The following LOC122539214 variants were observed in gnomAD, a reference collection of about 807,000 sequenced individuals.
chr19:52,652,536 C>T, the LOC122539214 span: 1 of 451,814 alleles, frequency 2.2e-6, no homozygotes, highest in Non-Finnish European at 4.5e-6. Flanking sequence ...GACTGAAGAC[C>T]TTGCTGCAAT....
the LOC122539214 span, among the ~76,000 whole-genome samples, chr19:52,669,799 G>A: frequency 1.2e-4 from 19 of 152,128 alleles, no homozygotes; most frequent in Non-Finnish European, 2.1e-4. Flanking sequence ...CCATGCATCC[G>A]TGGGTTGGTG....
the LOC122539214 span, among the ~76,000 whole-genome samples, chr19:52,658,136 CA>C: frequency 0.44 from 45,567 of 103,506 alleles, 7,583 homozygotes; most frequent in Admixed American, 0.54. Flanking sequence ...AACTTCATCT[CA>C]AAAAAAAAAA....
the LOC122539214 span, among the ~76,000 whole-genome samples, chr19:52,672,845 G>A: frequency 6.6e-6 from 1 of 151,754 alleles, no homozygotes; most frequent in Admixed American, 6.6e-5. Flanking sequence ...CAAAGTGCTG[G>A]GATTACAGAC....
At chr19:52,650,827 T>C in the LOC122539214 span, 1 of 152,172 alleles carries the variant, frequency 6.6e-6, no homozygotes, top group Admixed American at 6.5e-5. Context: ...CCCAGAAGGA[T>C]TCTTCACTTC....
At chr19:52,685,880 C>T in the LOC122539214 span, among the ~76,000 whole-genome samples, 33 of 127,514 alleles carry the variant, frequency 2.6e-4, no homozygotes, top group Non-Finnish European at 4.8e-4. Context: ...GCCTGGGGAA[C>T]AAGAGTGTAA....
the LOC122539214 span, among the ~76,000 whole-genome samples, chr19:52,671,183 C>T: frequency 0.78 from 118,931 of 152,030 alleles, 46,847 homozygotes; most frequent in African/African-American, 0.87. Context: ...TTCTTCTTTG[C>T]CATATGTTTT....
At chr19:52,657,199 A>G in the LOC122539214 span, among the ~76,000 whole-genome samples, 1 of 152,210 alleles carries the variant, frequency 6.6e-6, no homozygotes, top group East Asian at 1.9e-4. Context: ...AGAAAATGAG[A>G]AGGTCAGCCA....
chr19:52,687,007 C>G, the LOC122539214 span, among the ~76,000 whole-genome samples: 1 of 151,672 alleles, frequency 6.6e-6, no homozygotes, highest in East Asian at 2.0e-4. Flanking sequence ...CATGGAGAAA[C>G]CCTGTCTCTA....
the LOC122539214 span, among the ~76,000 whole-genome samples, chr19:52,680,873 A>T: frequency 2.0e-5 from 3 of 151,272 alleles, no homozygotes; most frequent in Non-Finnish European, 4.4e-5. Context: ...CGGCCTCCCA[A>T]AGTGCTGGGA....
the LOC122539214 span, among the ~76,000 whole-genome samples, chr19:52,689,241 G>A: frequency 6.6e-6 from 1 of 152,154 alleles, no homozygotes; most frequent in Non-Finnish European, 1.5e-5. Context: ...AATCCACTGA[G>A]CCAGTGCGTA....
the LOC122539214 span, among the ~76,000 whole-genome samples, chr19:52,669,290 G>A: frequency 0.62 from 93,496 of 151,864 alleles, 29,044 homozygotes; most frequent in Admixed American, 0.72. Context: ...CACAATTAGA[G>A]TCCCATGGGG....
chr19:52,672,565 T>C, the LOC122539214 span, among the ~76,000 whole-genome samples: 2 of 152,200 alleles, frequency 1.3e-5, no homozygotes, highest in African/African-American at 4.8e-5. Context: ...CTAGGCAACA[T>C]AGCACCTCAT....
the LOC122539214 span, chr19:52,655,463 G>T: frequency 1.8e-6 from 2 of 1,132,362 alleles, no homozygotes; most frequent in Non-Finnish European, 1.3e-6. Context: ...TACATCAAAA[G>T]CATGTATGCG....
chr19:52,687,761 G>A, the LOC122539214 span, among the ~76,000 whole-genome samples: 1 of 146,214 alleles, frequency 6.8e-6, no homozygotes, highest in African/African-American at 2.5e-5. Flanking sequence ...GGGGGCCAAG[G>A]CTGCAGTTAG....
the LOC122539214 span, among the ~76,000 whole-genome samples, chr19:52,682,118 T>C: frequency 6.6e-6 from 1 of 152,176 alleles, no homozygotes; most frequent in Non-Finnish European, 1.5e-5. Flanking sequence ...AGTGCTGGGA[T>C]TACGGGCATG....
the LOC122539214 span, among the ~76,000 whole-genome samples, chr19:52,666,036 T>A: frequency 6.0e-4 from 90 of 149,130 alleles, 1 homozygote; most frequent in African/African-American, 1.5e-3. Flanking sequence ...TGGTGATGGG[T>A]GCCTGTAGTC....
the LOC122539214 span, among the ~76,000 whole-genome samples, chr19:52,674,472 A>C: frequency 6.6e-6 from 1 of 152,204 alleles, no homozygotes; most frequent in Non-Finnish European, 1.5e-5. Flanking sequence ...ATCAGAAAGA[A>C]ATAAATAAAA....
At chr19:52,680,654 C>T in the LOC122539214 span, among the ~76,000 whole-genome samples, 2 of 134,154 alleles carry the variant, frequency 1.5e-5, no homozygotes, top group Non-Finnish European at 3.1e-5. Flanking sequence ...GCTCTGTCGC[C>T]CAGGCTGGAG....
chr19:52,685,281 C>G, the LOC122539214 span, among the ~76,000 whole-genome samples: 3 of 152,028 alleles, frequency 2.0e-5, no homozygotes, highest in Non-Finnish European at 2.9e-5. Context: ...ACATTTTCAC[C>G]GAGTTACCCT....
Sources: gnomAD v4.1 joint callset for allele counts (sites outside exome capture counted in the v4.1 genomes callset) on GRCh38, gnomAD v4.1.1 for gene constraint, MANE v1.5 for transcripts.